FGF10: variants seen among roughly 807,000 people sequenced by gnomAD.
FGF10 encodes fibroblast growth factor 10.
A neutral mutation model predicts 19.8 loss-of-function variants in FGF10; 2 were observed. The observed-to-expected ratio is 0.10, with a 90% CI of 0.04 to 0.32. FGF10 has a LOEUF of 0.32. FGF10 is among the 10% of genes least tolerant of loss of function. The probability of loss-of-function intolerance (pLI) is 1.00; values close to 1 mark genes in which losing one functional copy is unlikely to be tolerated. For synonymous variants in FGF10, 112 were observed against 94.0 expected (o/e 1.19, Z -1.10); for missense variants, 191 against 246.3 (o/e 0.78, Z 1.50).
chr5:44,358,305 C>A (rs1741395864), intron 1 of FGF10, among the ~76,000 whole-genome samples: 1 of 151,490 alleles, frequency 6.6e-6, no homozygotes, highest in Non-Finnish European at 1.5e-5. Flanking sequence ...CATTGGCATG[C>A]TTTCCCCCAG....
intron 1 of FGF10, among the ~76,000 whole-genome samples, chr5:44,312,949 G>T (rs1271477730): frequency 2.0e-5 from 3 of 151,998 alleles, no homozygotes; most frequent in Non-Finnish European, 4.4e-5. Flanking sequence ...ACTGCAAGTG[G>T]TATTGTAGAT....
intron 1 of FGF10, among the ~76,000 whole-genome samples, chr5:44,334,533 A>G (rs917401713): frequency 6.6e-6 from 1 of 152,108 alleles, no homozygotes; most frequent in Admixed American, 6.6e-5. Context: ...GCACATGTGC[A>G]CAACGTTAGA....
At chr5:44,316,004 C>A (rs1411308707) in intron 1 of FGF10, among the ~76,000 whole-genome samples, 1 of 152,204 alleles carries the variant, frequency 6.6e-6, no homozygotes, top group African/African-American at 2.4e-5. Flanking sequence ...AAGCCATAGG[C>A]AAGCGAGAGC....
At chr5:44,367,891 T>C (rs1450155530) in intron 1 of FGF10, among the ~76,000 whole-genome samples, 1 of 151,118 alleles carries the variant, frequency 6.6e-6, no homozygotes, top group Non-Finnish European at 1.5e-5. Flanking sequence ...AATGTGCTAA[T>C]ACACAAAGTA....
At chr5:44,323,612 G>A (rs1364205271) in intron 1 of FGF10, among the ~76,000 whole-genome samples, 1 of 152,122 alleles carries the variant, frequency 6.6e-6, no homozygotes, top group Non-Finnish European at 1.5e-5. Context: ...GAAATGGATT[G>A]TTAGGTAAGA....
At chr5:44,340,230 T>C (rs1740938308) in intron 1 of FGF10, among the ~76,000 whole-genome samples, 1 of 151,956 alleles carries the variant, frequency 6.6e-6, no homozygotes, top group Non-Finnish European at 1.5e-5. Flanking sequence ...AACACAGAAT[T>C]TGGGAGGTGA....
rs1741424595 is a variant in FGF10, at chr5:44,359,402, G to A, written c.325+28956C>T. On this transcript the variant is annotated intron_variant, in intron 1 of 2. Coordinates refer to ENST00000264664, the MANE Select transcript of FGF10 (RefSeq NM_004465.2). ...ATTACTCTTCCTGACATTTGTCATT[G>A]CATAGCATTCCAGGAAAATCACTGA... Among the ~76,000 whole-genome samples the A allele has an allele frequency of 2.6e-5, 4 of 151,448 alleles. No homozygotes were observed. In the South Asian group the frequency reaches 8.3e-4, roughly 31 times the overall value.
chr5:44,341,262 T>C (rs1357480744), intron 1 of FGF10, among the ~76,000 whole-genome samples: 1 of 151,886 alleles, frequency 6.6e-6, no homozygotes, highest in East Asian at 1.9e-4. Flanking sequence ...TTTTTGAAAA[T>C]GTGGTATACA....
intron 1 of FGF10, among the ~76,000 whole-genome samples, chr5:44,376,895 A>G (rs1741879970): frequency 6.6e-6 from 1 of 152,042 alleles, no homozygotes; most frequent in Admixed American, 6.6e-5. Context: ...GAAAAAAAAA[A>G]GTAAAGGGCA....
At chr5:44,345,266 C>A (rs1235405212) in intron 1 of FGF10, among the ~76,000 whole-genome samples, 2 of 151,370 alleles carry the variant, frequency 1.3e-5, no homozygotes, top group African/African-American at 4.9e-5. Context: ...AATGGGAAGA[C>A]TTGATTTGAA....
intron 1 of FGF10, among the ~76,000 whole-genome samples, chr5:44,331,068 G>A (rs534405612): frequency 6.6e-6 from 1 of 152,134 alleles, no homozygotes; most frequent in South Asian, 2.1e-4. Context: ...TAAAGCTAAT[G>A]GTAAAAGGAG....
At chr5:44,388,092 C>CGG (rs1742145396) in intron 1 of FGF10, among the ~76,000 whole-genome samples, 1 of 136,258 alleles carries the variant, frequency 7.3e-6, no homozygotes, top group Non-Finnish European at 1.5e-5. Context: ...CTGCGTGGTC[C>CGG]GGCTAGTGAC....
intron 1 of FGF10, among the ~76,000 whole-genome samples, chr5:44,313,666 C>T (rs1054636296): frequency 1.3e-5 from 2 of 151,332 alleles, no homozygotes; most frequent in African/African-American, 2.4e-5. Context: ...ATTTCCCATT[C>T]ATGTAAAACA....
rs1163839847 is a variant in FGF10, at chr5:44,305,032, G to A, written c.590C>T (p.Thr197Ile). The A allele has an allele frequency of 6.2e-7, 1 of 1,613,946 alleles. No homozygotes were observed. Among genetic ancestry groups the A allele is most frequent in the Non-Finnish European group, 8.5e-7 (1 of 1,179,874 alleles). ...RRGQKTRRKN[T>I]SAHFLPMVVH... ...CACCATTGGAAGAAAGTGAGCAGAG[G>A]TGTTTTTCCTTCGTGTTTTCTGTCC... Residue 197 changes from threonine to isoleucine, a missense_variant, in exon 3 of 3, where the codon ACC becomes ATC. Thr to Ile is a moderately conservative substitution (Grantham distance 89). This residue lies in a region of FGF10 where 99 missense variants were observed against 161.7 expected (regional missense o/e 0.61). Coordinates refer to ENST00000264664, the MANE Select transcript of FGF10 (RefSeq NM_004465.2).
At chr5:44,327,157 A>T (rs1050544861) in intron 1 of FGF10, among the ~76,000 whole-genome samples, 20 of 152,266 alleles carry the variant, frequency 1.3e-4, no homozygotes, top group Admixed American at 3.3e-4. Context: ...TGCATATTCA[A>T]CTCAAAATAA....
intron 1 of FGF10, among the ~76,000 whole-genome samples, chr5:44,343,045 T>G (rs72763197): frequency 0.071 from 10,775 of 151,948 alleles, 517 homozygotes; most frequent in Middle Eastern, 0.11. Flanking sequence ...TGGGTGGGTG[T>G]GTGTTGCCCT....
Position 44,304,040 on chromosome 5 carries a change from T to C in FGF10, c.*955A>G, listed in dbSNP as rs1740020074. 1 of 152,166 alleles carries C rather than the reference T, an allele frequency of 6.6e-6. No homozygotes were observed. Among genetic ancestry groups the C allele is most frequent in the South Asian group, 2.1e-4 (1 of 4,828 alleles). 9.4% of individuals were successfully genotyped at this position (152,166 alleles called of 1,614,324 possible). A position where few individuals can be genotyped will look rare whatever the true frequency, so the allele number is the denominator to read the frequency against. On this transcript the variant is annotated 3_prime_UTR_variant, in exon 3 of 3. Transcript: ENST00000264664. ...GAGAAGAATTTGGCCTTCTGGTCTATTTCTTGAGACAGGAAGCCTCGAGAG... is the reference window on the plus strand; with the variant it reads ...GAGAAGAATTTGGCCTTCTGGTCTACTTCTTGAGACAGGAAGCCTCGAGAG...
intron 1 of FGF10, among the ~76,000 whole-genome samples, chr5:44,332,040 C>T (rs1440638755): frequency 2.0e-5 from 3 of 151,976 alleles, no homozygotes; most frequent in Non-Finnish European, 4.4e-5. Context: ...ACAACGAATA[C>T]TATTAAACCC....
chr5:44,368,373 CT>C (rs143420043), intron 1 of FGF10, among the ~76,000 whole-genome samples: 6,035 of 152,124 alleles, frequency 0.04, 241 homozygotes, highest in African/African-American at 0.11. Flanking sequence ...ATGTCTTTGG[CT>C]AAGTGCCTCA....
Sources: allele counts gnomAD v4.1 joint callset (sites outside exome capture counted in the v4.1 genomes callset), GRCh38; gene constraint gnomAD v4.1.1; regional missense constraint gnomAD v4.1.1; transcripts MANE v1.5; gene names NCBI Gene and HGNC (gene_info 2026-07-23, HGNC 2026-07-21).